CTNNA3: variants seen among roughly 807,000 people sequenced by gnomAD.
CTNNA3 encodes the protein catenin alpha-3.
CTNNA3 carries 76 observed loss-of-function variants against 95.7 expected under a neutral mutation model. The observed-to-expected ratio is 0.79, with a 90% confidence interval of 0.66 to 0.96. The LOEUF (loss-of-function observed/expected upper bound fraction) is 0.96, where lower values mean the gene tolerates loss of function less well. Among genes scored for constraint, CTNNA3 ranks in the 40% least tolerant of loss-of-function variants. The probability of loss-of-function intolerance (pLI) is 0.00; values close to 1 mark genes in which losing one functional copy is unlikely to be tolerated. For synonymous variants in CTNNA3, 431 were observed against 374.4 expected, an observed-to-expected ratio of 1.15 and a Z score of -1.74; for missense variants, 1,191 against 1,089.8, an observed-to-expected ratio of 1.09 and a Z score of -1.31.
intron 11 of CTNNA3, among the ~76,000 whole-genome samples, chr10:66,487,088 TA>T: frequency 6.6e-6 from 1 of 151,980 alleles, no homozygotes; most frequent in East Asian, 1.9e-4. Context: ...AACTTTCTGT[TA>T]TAAGACGAAT....
chr10:66,610,410 C>G (rs1160866007), intron 10 of CTNNA3, among the ~76,000 whole-genome samples: 1 of 151,944 alleles, frequency 6.6e-6, no homozygotes, highest in African/African-American at 2.4e-5. Flanking sequence ...ATGAAAGCAA[C>G]CCTAGACAAT....
intron 10 of CTNNA3, among the ~76,000 whole-genome samples, chr10:66,541,597 T>A (rs1261996909): frequency 6.6e-6 from 1 of 152,188 alleles, no homozygotes; most frequent in African/African-American, 2.4e-5. Context: ...TCATCCAAGC[T>A]TTTCTCTATA....
At chr10:65,989,643 A>G (rs2078498593) in intron 15 of CTNNA3, among the ~76,000 whole-genome samples, 2 of 152,174 alleles carry the variant, frequency 1.3e-5, no homozygotes, top group African/African-American at 4.8e-5. Flanking sequence ...TTGTACATAC[A>G]TAGAATGTGT....
At chr10:67,207,990 GT>G (rs1283111539) in intron 6 of CTNNA3, among the ~76,000 whole-genome samples, 31 of 152,194 alleles carry the variant, frequency 2.0e-4, no homozygotes, top group Non-Finnish European at 4.1e-4. Context: ...CAGAATTAGA[GT>G]CCCCAAACTC....
intron 3 of CTNNA3, among the ~76,000 whole-genome samples, chr10:67,605,772 A>G (rs1463110144): frequency 6.6e-6 from 1 of 152,018 alleles, no homozygotes; most frequent in Non-Finnish European, 1.5e-5. Context: ...TCTGCCTCCC[A>G]GGTTCAAGCG....
chr10:66,314,726 A>G (rs2092074256), intron 12 of CTNNA3, among the ~76,000 whole-genome samples: 1 of 152,120 alleles, frequency 6.6e-6, no homozygotes, highest in Non-Finnish European at 1.5e-5. Flanking sequence ...TAATTTATAT[A>G]AAAACAATTA....
intron 7 of CTNNA3, among the ~76,000 whole-genome samples, chr10:67,132,225 G>A (rs1860047676): frequency 6.6e-6 from 1 of 152,110 alleles, no homozygotes; most frequent in Admixed American, 6.6e-5. Context: ...AAAGCATTAA[G>A]TGAGATGATA....
intron 5 of CTNNA3, among the ~76,000 whole-genome samples, chr10:67,371,488 T>C (rs9414959): frequency 0.7 from 106,174 of 151,390 alleles, 42,092 homozygotes; most frequent in Non-Finnish European, 0.88. Flanking sequence ...TGTTTGGTTT[T>C]TTGTCCTTGC....
intron 12 of CTNNA3, among the ~76,000 whole-genome samples, chr10:66,355,779 CA>C (rs2092604150): frequency 6.6e-6 from 1 of 151,780 alleles, no homozygotes; most frequent in Non-Finnish European, 1.5e-5. Flanking sequence ...CTAACAATGC[CA>C]AACCAAAGTC....
chr10:66,323,893 G>T (rs952394989), intron 12 of CTNNA3, among the ~76,000 whole-genome samples: 5 of 151,990 alleles, frequency 3.3e-5, no homozygotes, highest in Non-Finnish European at 1.5e-5. Context: ...GGAAGAGGGG[G>T]AATGTCTGAG....
At chr10:66,486,777 A>G (rs1839741698) in intron 11 of CTNNA3, among the ~76,000 whole-genome samples, 1 of 152,062 alleles carries the variant, frequency 6.6e-6, no homozygotes, top group Admixed American at 6.6e-5. Flanking sequence ...AAGCCAAGAT[A>G]TGGATACAAC....
intron 1 of CTNNA3, among the ~76,000 whole-genome samples, chr10:67,727,447 T>C (rs1841242342): frequency 7.5e-6 from 1 of 133,230 alleles, no homozygotes; most frequent in African/African-American, 2.7e-5. Flanking sequence ...TTCTATATAT[T>C]ATATATCATA....
At chr10:66,047,913 T>C (rs901541316) in intron 15 of CTNNA3, among the ~76,000 whole-genome samples, 1 of 152,064 alleles carries the variant, frequency 6.6e-6, no homozygotes, top group Admixed American at 6.6e-5. Context: ...GGAATACAGC[T>C]AACCAGGGAG....
chr10:66,699,665 C>CCT (rs1847878183), intron 9 of CTNNA3, among the ~76,000 whole-genome samples: 2 of 113,130 alleles, frequency 1.8e-5, no homozygotes, highest in South Asian at 6.3e-4. Context: ...ATGATATTTA[C>CCT]CTTTTTTTTT....
chr10:66,075,148 A>C (rs564491052), intron 14 of CTNNA3, among the ~76,000 whole-genome samples: 1 of 151,932 alleles, frequency 6.6e-6, no homozygotes. Flanking sequence ...TTTCATCTTC[A>C]TATCTGCTTA....
At chr10:66,331,603 G>C (rs570460921) in intron 12 of CTNNA3, among the ~76,000 whole-genome samples, 5 of 152,006 alleles carry the variant, frequency 3.3e-5, no homozygotes, top group African/African-American at 1.2e-4. Context: ...TCAAATATCA[G>C]ATAGTTGTAG....
At chr10:67,365,319 A>G (rs2132683305) in intron 5 of CTNNA3, among the ~76,000 whole-genome samples, 1 of 152,244 alleles carries the variant, frequency 6.6e-6, no homozygotes, top group South Asian at 2.1e-4. Context: ...GCATGGGCAA[A>G]GCCTTCATGA....
At chr10:67,671,880 T>A (rs1423958365) in intron 1 of CTNNA3, among the ~76,000 whole-genome samples, 2 of 152,082 alleles carry the variant, frequency 1.3e-5, no homozygotes, top group African/African-American at 4.8e-5. Context: ...TACCCAGTAA[T>A]GGGATGGCTG....
intron 17 of CTNNA3, among the ~76,000 whole-genome samples, chr10:65,960,972 C>CT (rs1156871709): frequency 6.6e-6 from 1 of 151,928 alleles, no homozygotes; most frequent in Non-Finnish European, 1.5e-5. Flanking sequence ...GCTCTTTTTT[C>CT]TTTTTTTCCA....
Sources: gnomAD v4.1 joint callset for allele counts (sites outside exome capture counted in the v4.1 genomes callset) on GRCh38, gnomAD v4.1.1 for gene constraint, MANE v1.5 for transcripts, NCBI Gene and HGNC (gene_info 2026-07-23, HGNC 2026-07-21) for gene names.